Variants in SPATA2 observed in about 807,000 individuals in gnomAD.
SPATA2 encodes spermatogenesis-associated protein 2.
A neutral mutation model predicts 35.4 loss-of-function variants in SPATA2; 8 were observed. The ratio of observed to expected loss-of-function variants is 0.23; its 90% CI spans 0.13 to 0.41. SPATA2 has a LOEUF of 0.41. Among genes scored for constraint, SPATA2 ranks in the 10% least tolerant of loss-of-function variants. The pLI is 1.00. For missense variants in SPATA2, 650 were observed against 698.7 expected (o/e 0.93, Z 0.79); for synonymous variants, 293 against 300.9 (o/e 0.97, Z 0.27).
At chr20:49,909,219 C>T in intron 1 of SPATA2, among the ~76,000 whole-genome samples, 1 of 152,046 alleles carries the variant, frequency 6.6e-6, no homozygotes, top group East Asian at 2.0e-4. Flanking sequence ...GATGGGGTTT[C>T]ACCATGTTGG....
In SPATA2 at chr20:49,914,517, T is replaced by C. The variant is rs76086619; in HGVS notation, c.-103+863A>G. 1.3e-4 allele frequency among the ~76,000 whole-genome samples: 20 copies of C among 152,036 alleles called. No homozygotes were observed. In the East Asian group the frequency reaches 3.7e-3, roughly 28 times the overall value. On this transcript the variant is annotated intron_variant, in intron 1 of 2. Transcript: ENST00000289431. ...CCCTCCACCTCCCCACCCACACCAATGCACTCGTTCCAAGCAAGAGGCTCC... is the reference window on the plus strand; with the variant it reads ...CCCTCCACCTCCCCACCCACACCAACGCACTCGTTCCAAGCAAGAGGCTCC...
chr20:49,908,079 A>G (rs1279908084), intron 2 of SPATA2, 76 bp downstream of exon 2: 1 of 1,403,558 alleles, frequency 7.1e-7, no homozygotes, highest in African/African-American at 1.4e-5. Context: ...TCAGACTGGC[A>G]TAGCCTCTCA....
intron 1 of SPATA2, among the ~76,000 whole-genome samples, chr20:49,909,938 C>G (rs1213964144): frequency 6.6e-6 from 1 of 152,236 alleles, no homozygotes; most frequent in Non-Finnish European, 1.5e-5. Flanking sequence ...AGTGCTGTTA[C>G]CGGCCTTTGA....
At chr20:49,911,589 C>A (rs2090182297) in intron 1 of SPATA2, among the ~76,000 whole-genome samples, 1 of 151,760 alleles carries the variant, frequency 6.6e-6, no homozygotes, top group Non-Finnish European at 1.5e-5. Context: ...ATTGCTAGAA[C>A]CCAGGAGGCG....
rs535724213 is a variant in SPATA2, at chr20:49,909,429, G to A, written c.-102-837C>T. ...ATTAGAAACTGCTCAAGGTAGGCCAGGCACAGTGGCTCACACCTGTAATTC... is the reference window on the plus strand; with the variant it reads ...ATTAGAAACTGCTCAAGGTAGGCCAAGCACAGTGGCTCACACCTGTAATTC... On this transcript the variant is annotated intron_variant, in intron 1 of 2. Coordinates refer to ENST00000289431, the MANE Select transcript of SPATA2 (RefSeq NM_006038.4). 2.6e-4 allele frequency among the ~76,000 whole-genome samples: 40 copies of A among 152,204 alleles called. 1 individual carries two copies. The highest frequency in any genetic ancestry group is 9.6e-4 in the African/African-American group (40 of 41,540).
Position 49,903,898 on chromosome 20 carries a change from G to GATT in SPATA2, c.*1720_*1721insAAT, listed in dbSNP as rs2090121564. 2.9e-4 allele frequency: 25 copies of GATT among 86,132 alleles called. No homozygotes were observed. Among genetic ancestry groups the GATT allele is most frequent in the Non-Finnish European group, 5.2e-4 (23 of 44,306 alleles). 5.3% of individuals were successfully genotyped at this position (86,132 alleles called of 1,614,324 possible). The stretch of plus-strand genomic sequence containing the variant: ...CTGTACATCTACATGTGATCTACCA[G>GATT]ATAGATATATATATATATATATATA... On this transcript the variant is annotated 3_prime_UTR_variant, in exon 3 of 3. Transcript: ENST00000289431.
At position 49,905,561 on chromosome 20, in the gene SPATA2, C is replaced by T. The variant is rs925745440; in HGVS notation, c.*58G>A. ...GATCAATGCGTTAGTACTTCTTCAC[C>T]GTGAAACCCGAAAGGTCGGTTGATG... On this transcript the variant is annotated 3_prime_UTR_variant, in exon 3 of 3. Transcript: ENST00000289431. The T allele has an allele frequency of 3.8e-6, 6 of 1,579,742 alleles. No homozygotes were observed. Among genetic ancestry groups the T allele is most frequent in the African/African-American group, 2.7e-5 (2 of 74,094 alleles).
rs2090124425 is a variant in SPATA2 at position 49,903,940 on chromosome 20, T to G, written c.*1679A>C. 3.1e-5 allele frequency: 2 copies of G among 64,788 alleles called. No individual in the cohort carries two copies. The highest frequency in any genetic ancestry group is 7.4e-4 in the East Asian group (1 of 1,346). The allele number at this position is 64,788 out of a possible 1,614,324, so 4.0% of individuals were successfully genotyped here. ...ATATATATATATATATATATATATA[T>G]ATATATATATATTAAAAAGAGAGCC... On this transcript the variant is annotated 3_prime_UTR_variant, in exon 3 of 3. Transcript: ENST00000289431.
At position 49,905,529 on chromosome 20, in the gene SPATA2, C is replaced by T. The variant is rs1600852259; in HGVS notation, c.*90G>A. 2.1e-6 allele frequency: 3 copies of T among 1,458,526 alleles called. No individual in the cohort carries two copies. Among genetic ancestry groups the T allele is most frequent in the Non-Finnish European group, 2.8e-6 (3 of 1,066,418 alleles). The allele number at this position is 1,458,526 out of a possible 1,614,324, so 90.3% of individuals were successfully genotyped here. On this transcript the variant is annotated 3_prime_UTR_variant, in exon 3 of 3. Coordinates refer to ENST00000289431, the MANE Select transcript of SPATA2 (RefSeq NM_006038.4). The stretch of plus-strand genomic sequence containing the variant: ...CTACATGGTCAAGTGCAGGCCTCCG[C>T]CTCTGAGATCAATGCGTTAGTACTT...
chr20:49,904,659 A>C lies in SPATA2; in HGVS notation c.*960T>G, dbSNP rs1263370404. On this transcript the variant is annotated 3_prime_UTR_variant, in exon 3 of 3. Transcript: ENST00000289431. ...GGCTCTCCACCAGCTCAAGAAAAGG[A>C]GGCTTCATGTCTGTTCCTCCCTGCC... 1 of 152,612 alleles carries C rather than the reference A, an allele frequency of 6.6e-6. No individual in the cohort carries two copies. The highest frequency in any genetic ancestry group is 1.5e-5 in the Non-Finnish European group (1 of 68,058). 9.5% of individuals were successfully genotyped at this position (152,612 alleles called of 1,614,324 possible). A position where few individuals can be genotyped will look rare whatever the true frequency, so the allele number is the denominator to read the frequency against.
chr20:49,905,415 T>C lies in SPATA2; in HGVS notation c.*204A>G, dbSNP rs1282173625. The C allele has an allele frequency of 1.7e-5, 10 of 589,256 alleles. No individual in the cohort carries two copies. In the East Asian group the frequency reaches 2.2e-4, roughly 13 times the overall value. The allele number at this position is 589,256 out of a possible 1,614,324, so 36.5% of individuals were successfully genotyped here. ...TGAACGGAAGTGCCACCTTCTCCCT[T>C]GTCAGACAACAAAGCAGCCATTGGT... is the stretch of plus-strand genomic sequence containing the variant. On this transcript the variant is annotated 3_prime_UTR_variant, in exon 3 of 3. Transcript: ENST00000289431.
At chr20:49,907,853 G>C (rs2090157725) in intron 2 of SPATA2, among the ~76,000 whole-genome samples, 1 of 138,156 alleles carries the variant, frequency 7.2e-6, no homozygotes, top group Non-Finnish European at 1.5e-5. Context: ...CTCTTCAGAT[G>C]CAAGCCAGAT....
At chr20:49,911,801 A>C (rs2090183598) in intron 1 of SPATA2, among the ~76,000 whole-genome samples, 1 of 152,178 alleles carries the variant, frequency 6.6e-6, no homozygotes, top group African/African-American at 2.4e-5. Flanking sequence ...TCAGCTGGAG[A>C]GCAAAGAAAC....
chr20:49,910,036 A>G (rs2090174214), intron 1 of SPATA2, among the ~76,000 whole-genome samples: 2 of 152,146 alleles, frequency 1.3e-5, no homozygotes, highest in Admixed American at 6.5e-5. Flanking sequence ...CAGGCTTTAC[A>G]CAATCTTGTC....
rs149813696 is a variant in SPATA2 at position 49,909,923 on chromosome 20, C to T, written c.-102-1331G>A. On this transcript the variant is annotated intron_variant, in intron 1 of 2. Transcript: ENST00000289431. Reference sequence around the variant, plus strand: ...AAAGAGGCCACCGTGGCTACCGGCCCCTGGAGTGCTGTTACCGGCCTTTGA... The same window carrying T: ...AAAGAGGCCACCGTGGCTACCGGCCTCTGGAGTGCTGTTACCGGCCTTTGA... Among the ~76,000 whole-genome samples, 651 of 152,342 alleles carry T rather than the reference C, an allele frequency of 4.3e-3. 3 individuals are homozygous for T. Among genetic ancestry groups the T allele is most frequent in the African/African-American group, 0.015 (629 of 41,576 alleles).
Position 49,903,928 on chromosome 20 carries a change from T to C in SPATA2, c.*1691A>G, listed in dbSNP as rs865848062. 2 of 133,874 alleles carry C rather than the reference T, an allele frequency of 1.5e-5. No homozygotes were observed. Among genetic ancestry groups the C allele is most frequent in the South Asian group, 2.4e-4 (1 of 4,220 alleles). 8.3% of individuals were successfully genotyped at this position (133,874 alleles called of 1,614,324 possible). On this transcript the variant is annotated 3_prime_UTR_variant, in exon 3 of 3. Transcript: ENST00000289431. ...ATATATATATATATATATATATATATATATATATATATATATATATATATT... is the reference window on the plus strand; with the variant it reads ...ATATATATATATATATATATATATACATATATATATATATATATATATATT...
chr20:49,907,261 G>A lies in SPATA2; in HGVS notation c.337-416C>T, dbSNP rs536572075. On this transcript the variant is annotated intron_variant, in intron 2 of 2. Transcript: ENST00000289431. Reference sequence around the variant, plus strand: ...TTTTTAGTAGAGATGGGGTTTCACCGTGCTGGTCAAGCTGGTCTCAAACTC... The same window carrying A: ...TTTTTAGTAGAGATGGGGTTTCACCATGCTGGTCAAGCTGGTCTCAAACTC... 5.3e-5 allele frequency among the ~76,000 whole-genome samples: 8 copies of A among 152,190 alleles called. No homozygotes were observed. The South Asian group carries it at 8.3e-4, about 16-fold the overall frequency.
chr20:49,912,323 G>A (rs1041175079), intron 1 of SPATA2, among the ~76,000 whole-genome samples: 4 of 152,120 alleles, frequency 2.6e-5, no homozygotes, highest in African/African-American at 9.7e-5. Flanking sequence ...ACGAACACCT[G>A]TAATCCCAGC....
rs1293843241 is a variant in SPATA2 at position 49,903,900 on chromosome 20, T to TAG, written c.*1717_*1718dup. Reference sequence around the variant, plus strand: ...GTACATCTACATGTGATCTACCAGATAGATATATATATATATATATATATA... The same window carrying TAG: ...GTACATCTACATGTGATCTACCAGATAGAGATATATATATATATATATATATA... On this transcript the variant is annotated 3_prime_UTR_variant, in exon 3 of 3. Coordinates refer to ENST00000289431, the MANE Select transcript of SPATA2 (RefSeq NM_006038.4). The TAG allele has an allele frequency of 9.1e-5, 6 of 65,698 alleles. No homozygotes were observed. Among genetic ancestry groups the TAG allele is most frequent in the Admixed American group, 1.8e-4 (1 of 5,450 alleles). 4.1% of individuals were successfully genotyped at this position (65,698 alleles called of 1,614,324 possible).
Sources: gnomAD v4.1 joint callset for allele counts (sites outside exome capture counted in the v4.1 genomes callset) on GRCh38, gnomAD v4.1.1 for gene constraint, MANE v1.5 for transcripts, NCBI Gene and HGNC (gene_info 2026-07-23, HGNC 2026-07-21) for gene names.